The following FBXL17 variants were observed in gnomAD, a reference collection of about 807,000 sequenced individuals.
FBXL17 encodes F-box/LRR-repeat protein 17.
Under a neutral mutation model 66.2 loss-of-function variants are expected in FBXL17, and 22 were observed. The observed-to-expected ratio is 0.33, with a 90% confidence interval of 0.24 to 0.47. The LOEUF (loss-of-function observed/expected upper bound fraction) is 0.47. Ranked by LOEUF, FBXL17 falls within the 20% of genes least tolerant of loss-of-function variation. FBXL17 has a pLI of 1.00. For synonymous variants in FBXL17, 474 were observed against 400.5 expected (o/e 1.18, Z -2.19); for missense variants, 878 against 948.2 (o/e 0.93, Z 0.97).
intron 6 of FBXL17, among the ~76,000 whole-genome samples, chr5:108,156,750 A>G (rs1173492048): frequency 6.6e-6 from 1 of 151,946 alleles, no homozygotes; most frequent in Non-Finnish European, 1.5e-5. Context: ...ATATATTTTT[A>G]GTTTTATATA....
At chr5:108,120,874 T>C (rs960058861) in intron 6 of FBXL17, among the ~76,000 whole-genome samples, 1 of 152,182 alleles carries the variant, frequency 6.6e-6, no homozygotes, top group Non-Finnish European at 1.5e-5. Context: ...ACTCAAATAC[T>C]GATTGAATGA....
intron 4 of FBXL17, among the ~76,000 whole-genome samples, chr5:108,277,376 C>A (rs1757524858): frequency 6.6e-6 from 1 of 152,072 alleles, no homozygotes; most frequent in South Asian, 2.1e-4. Flanking sequence ...ACTTATTAAA[C>A]TTTCTGGGGG....
chr5:108,048,100 T>C (rs1747327115), intron 6 of FBXL17, among the ~76,000 whole-genome samples: 1 of 152,198 alleles, frequency 6.6e-6, no homozygotes, highest in South Asian at 2.1e-4. Context: ...CAGGCAGCCA[T>C]CTGTGCTGTT....
chr5:108,100,873 A>G (rs1234905587), intron 6 of FBXL17, among the ~76,000 whole-genome samples: 2 of 152,196 alleles, frequency 1.3e-5, no homozygotes, highest in African/African-American at 4.8e-5. Flanking sequence ...CATTCCTGGA[A>G]TTGAGATGTA....
intron 7 of FBXL17, among the ~76,000 whole-genome samples, chr5:107,900,212 G>A (rs1177240950): frequency 1.3e-5 from 2 of 152,122 alleles, no homozygotes; most frequent in African/African-American, 4.8e-5. Flanking sequence ...TGGTCTTTTA[G>A]TAAGGTTAAT....
intron 6 of FBXL17, 30 bp downstream of exon 6, chr5:108,186,087 A>G (rs1330962557): frequency 7.1e-6 from 11 of 1,558,532 alleles, no homozygotes; most frequent in African/African-American, 2.7e-5. Flanking sequence ...TTCCTCTAGA[A>G]AAGTATTTTT....
intron 7 of FBXL17, among the ~76,000 whole-genome samples, chr5:107,976,432 A>G (rs1048036236): frequency 1.4e-4 from 21 of 152,200 alleles, no homozygotes; most frequent in Admixed American, 2.6e-4. Context: ...GACTTAGATA[A>G]TGGACAAAAA....
chr5:108,368,632 T>C (rs1748828726), intron 1 of FBXL17, among the ~76,000 whole-genome samples: 1 of 152,066 alleles, frequency 6.6e-6, no homozygotes, highest in African/African-American at 2.4e-5. Flanking sequence ...ACTAATGTTA[T>C]CCAGTTAGAT....
chr5:107,969,577 A>G (rs1252111791), intron 7 of FBXL17, among the ~76,000 whole-genome samples: 2 of 152,052 alleles, frequency 1.3e-5, no homozygotes, highest in Non-Finnish European at 2.9e-5. Flanking sequence ...TTGTTAAAAT[A>G]TTTTTTCCCC....
At chr5:108,129,029 G>C (rs1282549967) in intron 6 of FBXL17, among the ~76,000 whole-genome samples, 2 of 152,070 alleles carry the variant, frequency 1.3e-5, no homozygotes, top group Non-Finnish European at 2.9e-5. Flanking sequence ...AATCATGACT[G>C]AGAATTACAT....
intron 6 of FBXL17, among the ~76,000 whole-genome samples, chr5:108,079,033 G>C (rs1284561198): frequency 6.6e-6 from 1 of 151,618 alleles, no homozygotes; most frequent in Non-Finnish European, 1.5e-5. Flanking sequence ...TTTCCCTGTA[G>C]AGACAGGGTC....
chr5:107,897,462 C>G (rs1268796280), intron 7 of FBXL17, among the ~76,000 whole-genome samples: 1 of 152,094 alleles, frequency 6.6e-6, no homozygotes, highest in Admixed American at 6.6e-5. Context: ...AACCCTTTTT[C>G]TGGACTGGAT....
chr5:108,298,741 T>C (rs1758453041), intron 4 of FBXL17: 1 of 761,720 alleles, frequency 1.3e-6, no homozygotes, highest in Non-Finnish European at 1.6e-6. Flanking sequence ...ATTTAATTTT[T>C]AAATCCATGT....
chr5:108,171,289 C>T (rs1274920384), intron 6 of FBXL17, among the ~76,000 whole-genome samples: 1 of 152,050 alleles, frequency 6.6e-6, no homozygotes, highest in Non-Finnish European at 1.5e-5. Flanking sequence ...TTGTTGCAAC[C>T]AACTATATTT....
chr5:108,191,769 C>T (rs890834440), intron 5 of FBXL17, among the ~76,000 whole-genome samples: 8 of 152,194 alleles, frequency 5.3e-5, no homozygotes, highest in Admixed American at 3.9e-4. Context: ...ACTCTTACTG[C>T]CTGTATGTAC....
At chr5:107,919,252 A>G (rs1750232551) in intron 7 of FBXL17, among the ~76,000 whole-genome samples, 1 of 152,182 alleles carries the variant, frequency 6.6e-6, no homozygotes, top group Non-Finnish European at 1.5e-5. Context: ...TCTTACACCC[A>G]TATTTGATCC....
chr5:108,152,197 T>C (rs1751798643), intron 6 of FBXL17, among the ~76,000 whole-genome samples: 1 of 152,190 alleles, frequency 6.6e-6, no homozygotes, highest in African/African-American at 2.4e-5. Context: ...AAGATAATAA[T>C]TTAGTACAAT....
At chr5:108,109,975 T>C (rs1749967153) in intron 6 of FBXL17, among the ~76,000 whole-genome samples, 1 of 152,178 alleles carries the variant, frequency 6.6e-6, no homozygotes, top group Non-Finnish European at 1.5e-5. Flanking sequence ...ATAATGAATA[T>C]TTCCATTTAA....
chr5:108,112,386 C>T lies in FBXL17; in HGVS notation c.1745+73731G>A, dbSNP rs572827173. Among the ~76,000 whole-genome samples, 217 of 152,290 alleles carry T rather than the reference C, an allele frequency of 1.4e-3. 1 individual carries two copies. The highest frequency in any genetic ancestry group is 2.3e-3 in the South Asian group (11 of 4,816). On this transcript the variant is annotated intron_variant, in intron 6 of 8. Coordinates refer to ENST00000542267, the MANE Select transcript of FBXL17 (RefSeq NM_001163315.3). Reference sequence around the variant, plus strand: ...GCATTGAGTCAAGGACTCAGAAGGGCAATGCCTCACTAGTGTGGCTGAATT... The same window carrying T: ...GCATTGAGTCAAGGACTCAGAAGGGTAATGCCTCACTAGTGTGGCTGAATT...
Sources: gnomAD v4.1 joint callset for allele counts (sites outside exome capture counted in the v4.1 genomes callset) on GRCh38, gnomAD v4.1.1 for gene constraint, MANE v1.5 for transcripts, NCBI Gene and HGNC (gene_info 2026-07-23, HGNC 2026-07-21) for gene names.